Variants in DLGAP1 observed in about 807,000 individuals in gnomAD.
DLGAP1 encodes DLG associated protein 1, also known as disks large-associated protein 1.
Under a neutral mutation model 90.8 loss-of-function variants are expected in DLGAP1, and 11 were observed. The ratio of observed to expected loss-of-function variants is 0.12; its 90% confidence interval spans 0.08 to 0.20. The LOEUF (loss-of-function observed/expected upper bound fraction) is 0.20, where lower values mean the gene tolerates loss of function less well. Among genes scored for constraint, DLGAP1 ranks in the 10% least tolerant of loss-of-function variants. DLGAP1 has a pLI of 1.00. For synonymous variants in DLGAP1, 558 were observed against 540.7 expected (o/e 1.03, Z -0.44); for missense variants, 1,050 against 1,333.8 (o/e 0.79, Z 3.31).
At chr18:3,548,537 G>A (rs1431794530) in intron 9 of DLGAP1, among the ~76,000 whole-genome samples, 7 of 151,920 alleles carry the variant, frequency 4.6e-5, no homozygotes, top group South Asian at 2.1e-4. Flanking sequence ...ACTGAGGGGG[G>A]TGTGGATTGC....
intron 1 of DLGAP1, chr18:4,280,721 C>T (rs957997777): frequency 2.0e-5 from 3 of 152,136 alleles, no homozygotes; most frequent in Admixed American, 6.5e-5. Flanking sequence ...CCTTTTGGTT[C>T]CTTTCTAGGG....
rs143348856 is a variant in DLGAP1, at chr18:3,832,983, G to C, written c.958-18710C>G. 5.3e-3 allele frequency among the ~76,000 whole-genome samples: 813 copies of C among 152,248 alleles called. 9 individuals carry two copies. Among genetic ancestry groups the C allele is most frequent in the African/African-American group, 0.019 (772 of 41,548 alleles). ...GGATGTAAATTTTGACCTGCTTTCA[G>C]TTGTAATAAATACATGAGGCATAGA... On this transcript the variant is annotated intron_variant, in intron 4 of 12. Transcript: ENST00000315677.
chr18:3,772,378 T>C lies in DLGAP1; in HGVS notation c.1173-29866A>G, dbSNP rs1194099568. Among the ~76,000 whole-genome samples, 6 of 15,626 alleles carry C rather than the reference T, an allele frequency of 3.8e-4. No individual in the cohort carries two copies. In the Admixed American group the frequency reaches 4.4e-3, roughly 11 times the overall value. The allele number at this position is 15,626 out of a possible 152,430, so 10.3% of individuals were successfully genotyped here. A position where few individuals can be genotyped will look rare whatever the true frequency, so the allele number is the denominator to read the frequency against. On this transcript the variant is annotated intron_variant, in intron 5 of 12. Transcript: ENST00000315677. ...TTTCTTTCTTTCTTTCTTTCTTTCT[T>C]TCTTTCTTTCTTTCTTTCTTTCTTT...
chr18:3,789,906 C>CAGA, intron 5 of DLGAP1, among the ~76,000 whole-genome samples: 1 of 152,248 alleles, frequency 6.6e-6, no homozygotes, highest in South Asian at 2.1e-4. Context: ...TTTTAATGGT[C>CAGA]AGAAGCTATG....
chr18:3,789,101 TA>T (rs2065599395), intron 5 of DLGAP1, among the ~76,000 whole-genome samples: 1 of 152,246 alleles, frequency 6.6e-6, no homozygotes, highest in South Asian at 2.1e-4. Flanking sequence ...ATTATGGTGC[TA>T]GTCCTTGATT....
At chr18:4,047,391 T>C (rs2075069972) in intron 2 of DLGAP1, among the ~76,000 whole-genome samples, 1 of 152,240 alleles carries the variant, frequency 6.6e-6, no homozygotes. Context: ...GACTTAGTTA[T>C]AACCAAAAAT....
chr18:3,600,715 G>GATAT (rs368376136), intron 7 of DLGAP1, among the ~76,000 whole-genome samples: 3 of 64,446 alleles, frequency 4.7e-5, no homozygotes, highest in African/African-American at 2.5e-4. Context: ...TAGCTATATA[G>GATAT]ATATAGAGAT....
At chr18:3,715,675 C>A (rs1443512000) in intron 7 of DLGAP1, among the ~76,000 whole-genome samples, 1 of 152,082 alleles carries the variant, frequency 6.6e-6, no homozygotes, top group Non-Finnish European at 1.5e-5. Flanking sequence ...TGACAGAAAC[C>A]TTTTTTTCTT....
intron 3 of DLGAP1, among the ~76,000 whole-genome samples, chr18:3,945,930 G>A (rs1055711793): frequency 7.9e-5 from 12 of 152,158 alleles, no homozygotes; most frequent in Non-Finnish European, 1.5e-4. Context: ...ATCTGTCGAT[G>A]AAAATTATTA....
intron 10 of DLGAP1, among the ~76,000 whole-genome samples, chr18:3,523,530 C>T (rs904888480): frequency 6.6e-6 from 1 of 151,932 alleles, no homozygotes; most frequent in Non-Finnish European, 1.5e-5. Context: ...AAGCAACTAA[C>T]CCCAAAAAAC....
At chr18:3,641,537 CAAAAA>C (rs576340963) in intron 7 of DLGAP1, among the ~76,000 whole-genome samples, 1 of 63,312 alleles carries the variant, frequency 1.6e-5, no homozygotes, top group African/African-American at 5.2e-5. Context: ...AACTCCGTCT[CAAAAA>C]AAAAAAAAAA....
intron 1 of DLGAP1, among the ~76,000 whole-genome samples, chr18:4,320,810 C>T (rs972120763): frequency 5.3e-5 from 8 of 151,884 alleles, no homozygotes; most frequent in African/African-American, 1.9e-4. Context: ...AAGAATACTT[C>T]ACAATTCTGA....
intron 3 of DLGAP1, among the ~76,000 whole-genome samples, chr18:3,899,314 G>C (rs903304300): frequency 3.3e-5 from 5 of 152,166 alleles, no homozygotes; most frequent in Non-Finnish European, 7.4e-5. Flanking sequence ...CTGAAGTATG[G>C]TTATAAGTTT....
chr18:4,154,591 C>T (rs2076725612), intron 1 of DLGAP1, among the ~76,000 whole-genome samples: 1 of 151,970 alleles, frequency 6.6e-6, no homozygotes, highest in African/African-American at 2.4e-5. Context: ...TTATGGAACA[C>T]CTATATTTTC....
At chr18:4,319,456 G>C (rs1386845859) in intron 1 of DLGAP1, among the ~76,000 whole-genome samples, 2 of 152,170 alleles carry the variant, frequency 1.3e-5, no homozygotes, top group Non-Finnish European at 2.9e-5. Context: ...AATACAACTA[G>C]TATATGAGAC....
chr18:4,266,542 T>A (rs916136488), intron 1 of DLGAP1, among the ~76,000 whole-genome samples: 3 of 152,188 alleles, frequency 2.0e-5, no homozygotes, highest in African/African-American at 7.2e-5. Context: ...TCTGTTCACT[T>A]TTTTCTTTAT....
At chr18:3,684,126 G>A (rs1227143632) in intron 7 of DLGAP1, among the ~76,000 whole-genome samples, 4 of 151,782 alleles carry the variant, frequency 2.6e-5, no homozygotes, top group Non-Finnish European at 4.4e-5. Flanking sequence ...AGAGATGACA[G>A]CTCGTTAAAG....
At chr18:4,197,006 C>G (rs1268252416) in intron 1 of DLGAP1, among the ~76,000 whole-genome samples, 3 of 151,848 alleles carry the variant, frequency 2.0e-5, no homozygotes, top group East Asian at 1.9e-4. Flanking sequence ...AACCCCACCT[C>G]TATTTAAAAT....
Position 3,561,269 on chromosome 18 carries a change from A to C in DLGAP1, c.2057+6221T>G, listed in dbSNP as rs529384079. On this transcript the variant is annotated intron_variant, in intron 9 of 12. Transcript: ENST00000315677. ...CGTCTCTACTAAAAAAAAAAAACAA[A>C]AAAAAAAAAACAAACAAAAAATAGC... Among the ~76,000 whole-genome samples the C allele has an allele frequency of 1.3e-3, 110 of 83,136 alleles. 1 individual carries two copies. The highest frequency in any genetic ancestry group is 4.4e-3 in the East Asian group (6 of 1,356). The allele number at this position is 83,136 out of a possible 152,430, so 54.5% of individuals were successfully genotyped here. A position where few individuals can be genotyped will look rare whatever the true frequency, so the allele number is the denominator to read the frequency against.
Sources: allele counts gnomAD v4.1 joint callset (sites outside exome capture counted in the v4.1 genomes callset), GRCh38; gene constraint gnomAD v4.1.1; transcripts MANE v1.5; gene names NCBI Gene and HGNC (gene_info 2026-07-23, HGNC 2026-07-21).